Variants in MAP3K5 observed in about 807,000 individuals in gnomAD.
MAP3K5 encodes the protein mitogen-activated protein kinase kinase kinase 5.
Under a neutral mutation model 158.7 loss-of-function variants are expected in MAP3K5, and 56 were observed. The observed-to-expected ratio is 0.35, with a 90% CI of 0.28 to 0.44. The LOEUF (loss-of-function observed/expected upper bound fraction) is 0.44. Ranked by LOEUF, MAP3K5 falls within the 20% of genes least tolerant of loss-of-function variation. MAP3K5 has a pLI of 1.00. For missense variants in MAP3K5, 1,294 were observed against 1,674.8 expected (o/e 0.77, Z 3.97); for synonymous variants, 579 against 601.7 (o/e 0.96, Z 0.55).
chr6:136,557,464 C>T lies in MAP3K5; in HGVS notation c.*294G>A, dbSNP rs1830299916. The stretch of plus-strand genomic sequence containing the variant: ...TTTGGCTGAAGTGCAATAGCTGCTG[C>T]ATTAAAAATATTTCCATAAAAATGC... On this transcript the variant is annotated 3_prime_UTR_variant, in exon 30 of 30. Transcript: ENST00000359015. 1 of 276,154 alleles carries T rather than the reference C, an allele frequency of 3.6e-6. No individual in the cohort carries two copies. The highest frequency in any genetic ancestry group is 6.8e-6 in the Non-Finnish European group (1 of 146,614). 17.1% of individuals were successfully genotyped at this position (276,154 alleles called of 1,614,324 possible). A position where few individuals can be genotyped will look rare whatever the true frequency, so the allele number is the denominator to read the frequency against.
chr6:136,755,817 G>GCA (rs1379693959), intron 1 of MAP3K5, among the ~76,000 whole-genome samples: 1 of 152,040 alleles, frequency 6.6e-6, no homozygotes, highest in Non-Finnish European at 1.5e-5. Context: ...TATACAGAAG[G>GCA]CACTCATTAG....
intron 1 of MAP3K5, among the ~76,000 whole-genome samples, chr6:136,763,968 G>T (rs534582680): frequency 6.6e-6 from 1 of 152,178 alleles, no homozygotes; most frequent in African/African-American, 2.4e-5. Context: ...GCTCTCACCA[G>T]ATGCGCCCCC....
At chr6:136,636,254 C>T (rs1583314168) in intron 14 of MAP3K5, among the ~76,000 whole-genome samples, 2 of 152,070 alleles carry the variant, frequency 1.3e-5, no homozygotes, top group African/African-American at 4.8e-5. Flanking sequence ...CCAGCTTCTT[C>T]TACCATGTAA....
intron 25 of MAP3K5, among the ~76,000 whole-genome samples, chr6:136,569,843 A>G (rs1176667442): frequency 6.6e-6 from 1 of 152,220 alleles, no homozygotes; most frequent in Non-Finnish European, 1.5e-5. Context: ...AATTGTAATT[A>G]AATCCTTAAA....
intron 16 of MAP3K5, 25 bp downstream of exon 16, chr6:136,614,132 CTT>C (rs764479721): frequency 5.6e-6 from 9 of 1,606,572 alleles, no homozygotes. Context: ...AACATTCACA[CTT>C]TTTAAAGAAA....
At chr6:136,652,063 C>G (rs373374608) in intron 10 of MAP3K5, among the ~76,000 whole-genome samples, 3 of 152,116 alleles carry the variant, frequency 2.0e-5, no homozygotes, top group African/African-American at 7.2e-5. Context: ...TAGAACTAAT[C>G]TTGAATCAAG....
intron 23 of MAP3K5, among the ~76,000 whole-genome samples, chr6:136,589,607 AG>A (rs1303367192): frequency 6.6e-6 from 1 of 152,196 alleles, no homozygotes. Flanking sequence ...ATTTGGAGAC[AG>A]GGCCTCAAAA....
At chr6:136,757,303 C>T (rs1783535304) in intron 1 of MAP3K5, among the ~76,000 whole-genome samples, 1 of 152,122 alleles carries the variant, frequency 6.6e-6, no homozygotes, top group Non-Finnish European at 1.5e-5. Context: ...GCAACCCAGC[C>T]AAATACAACT....
intron 8 of MAP3K5, among the ~76,000 whole-genome samples, chr6:136,665,197 AT>A (rs1365519135): frequency 6.6e-6 from 1 of 152,170 alleles, no homozygotes. Flanking sequence ...TTTAGTTCAA[AT>A]TGATGATCCT....
At chr6:136,661,743 G>C (rs1232798007) in intron 8 of MAP3K5, among the ~76,000 whole-genome samples, 1 of 151,946 alleles carries the variant, frequency 6.6e-6, no homozygotes, top group African/African-American at 2.4e-5. Flanking sequence ...GTCTCATTCT[G>C]TGGGCCAGGC....
chr6:136,601,853 C>G lies in MAP3K5; in HGVS notation c.2806G>C (p.Glu936Gln). Residue 936 changes from glutamate (E) to glutamine (Q), a missense_variant, in exon 20 of 30, where the codon GAG becomes CAG. Physicochemically the swap from Glu to Gln is conservative, Grantham distance 29 (BLOSUM62 2). Around this residue, in one of 5 missense-constraint regions of MAP3K5, gnomAD observed 362 missense variants for 463.2 expected, o/e 0.78. Transcript: ENST00000359015. ...RACANDLLVD[E>Q]FLKVSSKKKK... The stretch of plus-strand genomic sequence containing the variant: ...TTTTTGCTTGAAACTTTTAAAAACT[C>G]ATCAACAAGCAAGTCGTTAGCACAG... The G allele has an allele frequency of 6.2e-7, 1 of 1,614,160 alleles. No individual in the cohort carries two copies. The highest frequency in any genetic ancestry group is 2.2e-5 in the East Asian group (1 of 44,884).
intron 25 of MAP3K5, among the ~76,000 whole-genome samples, chr6:136,569,474 G>T (rs1774269924): frequency 6.6e-6 from 1 of 152,156 alleles, no homozygotes; most frequent in Admixed American, 6.5e-5. Flanking sequence ...TCTTTATGCT[G>T]ACTTCAACTC....
At chr6:136,617,039 A>C (rs1380458611) in intron 15 of MAP3K5, among the ~76,000 whole-genome samples, 1 of 152,170 alleles carries the variant, frequency 6.6e-6, no homozygotes. Flanking sequence ...ATTAATCAAA[A>C]GACTCCCACC....
At chr6:136,588,222 T>A (rs1775223536) in intron 23 of MAP3K5, among the ~76,000 whole-genome samples, 1 of 152,172 alleles carries the variant, frequency 6.6e-6, no homozygotes, top group Non-Finnish European at 1.5e-5. Context: ...CTTGTCACCA[T>A]CGGGCCTACC....
intron 25 of MAP3K5, 81 bp downstream of exon 25, chr6:136,580,220 G>T: frequency 2.2e-6 from 2 of 927,406 alleles, no homozygotes; most frequent in South Asian, 2.7e-5. Context: ...AAGTACTAAG[G>T]TGATATCAGA....
rs530691775 is a variant in MAP3K5, at chr6:136,694,321, A to G, written c.1083-11T>C. ...CCAGGGAGATTTCTCCTAAGGCAGAAAACATTGTTGTTTCAATATACATTA... is the reference window on the plus strand; with the variant it reads ...CCAGGGAGATTTCTCCTAAGGCAGAGAACATTGTTGTTTCAATATACATTA... On this transcript the variant is annotated splice_polypyrimidine_tract_variant and intron_variant, in intron 6 of 29. Coordinates refer to ENST00000359015, the MANE Select transcript of MAP3K5 (RefSeq NM_005923.4). 6.2e-7 allele frequency: 1 copy of G among 1,603,958 alleles called. No individual in the cohort carries two copies. The highest frequency in any genetic ancestry group is 8.5e-7 in the Non-Finnish European group (1 of 1,177,838).
intron 15 of MAP3K5, among the ~76,000 whole-genome samples, chr6:136,618,300 T>C (rs1424540506): frequency 2.0e-5 from 3 of 152,264 alleles, no homozygotes; most frequent in Non-Finnish European, 4.4e-5. Flanking sequence ...TTGTTTGCTG[T>C]ATCTTCACAA....
At chr6:136,641,797 G>A (rs534849256) in intron 12 of MAP3K5, among the ~76,000 whole-genome samples, 36 of 151,280 alleles carry the variant, frequency 2.4e-4, no homozygotes, top group African/African-American at 7.0e-4. Context: ...AGACCAGCCC[G>A]GCCAACACGG....
intron 1 of MAP3K5, among the ~76,000 whole-genome samples, chr6:136,737,037 G>GTGTGTGTATATATATATATATATATATA (rs759947051): frequency 7.9e-6 from 1 of 127,002 alleles, no homozygotes; most frequent in African/African-American, 3.8e-5. Flanking sequence ...ATATGTGTGT[G>GTGTGTGTATATATATATATATATATATA]TATATATATA....
Sources: gnomAD v4.1 joint callset for allele counts (sites outside exome capture counted in the v4.1 genomes callset) on GRCh38, gnomAD v4.1.1 for gene constraint, gnomAD v4.1.1 regional missense constraint, MANE v1.5 for transcripts, NCBI Gene and HGNC (gene_info 2026-07-23, HGNC 2026-07-21) for gene names.